The following TULP1 variants were observed in gnomAD, a reference collection of about 807,000 sequenced individuals.
The protein encoded by TULP1 is tubby-related protein 1.
In TULP1, 50 loss-of-function variants were observed where a neutral mutation model predicts 67.1. The observed-to-expected ratio is 0.75, with a 90% CI of 0.59 to 0.94. The LOEUF (loss-of-function observed/expected upper bound fraction) is 0.94. Ranked by LOEUF, TULP1 falls within the 40% of genes least tolerant of loss-of-function variation. The probability of loss-of-function intolerance (pLI) is 0.00; values close to 1 mark genes in which losing one functional copy is unlikely to be tolerated. For synonymous variants in TULP1, 297 were observed against 294.0 expected (o/e 1.01, Z -0.11); for missense variants, 746 against 734.1 (o/e 1.02, Z -0.19).
At chr6:35,508,604 G>A (rs61519220) in intron 8 of TULP1, among the ~76,000 whole-genome samples, 3,812 of 152,288 alleles carry the variant, frequency 0.025, 131 homozygotes, top group African/African-American at 0.081. Flanking sequence ...GCTTTTGTGT[G>A]TTGGTGTCTG....
chr6:35,505,416 A>T, intron 11 of TULP1: 1 of 450,798 alleles, frequency 2.2e-6, no homozygotes, highest in Non-Finnish European at 4.2e-6. Flanking sequence ...CAGTGCTAGG[A>T]ATTCAGCCCT....
intron 2 of TULP1, 75 bp downstream of exon 2, chr6:35,512,563 CT>C: frequency 6.2e-7 from 1 of 1,600,980 alleles, no homozygotes; most frequent in East Asian, 2.2e-5. Flanking sequence ...TGTCCCACCC[CT>C]AGACCCCCTA....
Position 35,505,755 on chromosome 6 carries a change from G to A in TULP1, c.1098C>T (p.Phe366=), listed in dbSNP as rs1761067248. The A allele has an allele frequency of 6.2e-7, 1 of 1,614,056 alleles. No individual in the cohort carries two copies. Among genetic ancestry groups the A allele is most frequent in the Admixed American group, 1.7e-5 (1 of 60,000 alleles). ...CCCAGCCCCACCTCAGCTTCCCGAT[G>A]AAATTCTCCCCTCCTCGGGACAGAT... The part of the protein sequence containing the change: ...PTNLSRGGEN[F]IGKLRSNLLG... Residue 366 remains phenylalanine (F), a synonymous_variant, in exon 11 of 15, where the codon TTC becomes TTT. Transcript: ENST00000229771.
chr6:35,505,956 T>A (rs971071872), intron 10 of TULP1, 47 bp downstream of exon 10: 6 of 1,614,096 alleles, frequency 3.7e-6, no homozygotes, highest in Admixed American at 1.7e-5. Flanking sequence ...GTGGCCCCCA[T>A]GCCGGATCCC....
At chr6:35,508,742 T>C (rs184142771) in intron 8 of TULP1, among the ~76,000 whole-genome samples, 5 of 152,284 alleles carry the variant, frequency 3.3e-5, no homozygotes, top group East Asian at 3.9e-4. Context: ...CTTTCGTTGC[T>C]GGAGTGTTTA....
At chr6:35,511,172 G>A (rs1561818003) in intron 4 of TULP1, 162 bp from the exon 5 acceptor site, 6 of 1,473,566 alleles carry the variant, frequency 4.1e-6, no homozygotes, top group Non-Finnish European at 4.5e-6. Context: ...AGAAGAATGA[G>A]GGTGACTGGC....
chr6:35,509,520 T>A, intron 7 of TULP1, 114 bp downstream of exon 7: 1 of 1,204,854 alleles, frequency 8.3e-7, no homozygotes, highest in Non-Finnish European at 1.2e-6. Context: ...TGTCTGACTC[T>A]AGACCTGGCA....
At position 35,509,849 on chromosome 6, in the gene TULP1, C is replaced by T. The variant is rs377091740; in HGVS notation, c.579G>A (p.Lys193=). 6.8e-6 allele frequency: 11 copies of T among 1,614,004 alleles called. No individual in the cohort carries two copies. The African/African-American group carries it at 9.3e-5, about 14-fold the overall frequency. Residue 193 remains lysine, a synonymous_variant, in exon 6 of 15, where the codon AAG becomes AAA. Coordinates refer to ENST00000229771, the MANE Select transcript of TULP1 (RefSeq NM_003322.6). The part of the protein sequence containing the change: ...NKEAPAGEGT[K]MRKTKKKGSG... ...CACCTTTCTTCTTGGTCTTTCTCAT[C>T]TTGGTCCCCTCCCCTGCTGGAGCTT... is the stretch of plus-strand genomic sequence containing the variant.
rs1254252853 is a variant in TULP1 at position 35,503,218 on chromosome 6, G to A, written c.1323+341C>T. On this transcript the variant is annotated intron_variant, in intron 13 of 14. Coordinates refer to ENST00000229771, the MANE Select transcript of TULP1 (RefSeq NM_003322.6). The surrounding 1 kb of genome is among the most constrained non-coding windows in gnomAD (Gnocchi z 4.0). The stretch of plus-strand genomic sequence containing the variant: ...CTCCCAAAGTGCTGGGATTACAGGC[G>A]TGAGCCACCGCGCCCGGCCCAGGGG... Among the ~76,000 whole-genome samples, 2 of 152,308 alleles carry A rather than the reference G, an allele frequency of 1.3e-5. No individual in the cohort carries two copies. The highest frequency in any genetic ancestry group is 2.1e-4 in the South Asian group (1 of 4,830).
In TULP1 at chr6:35,512,211, GC is replaced by G; in HGVS notation, c.158del (p.Cys53SerfsTer56). ...GCTTCCGGGGCTTGGATCCCGTGGG[GC>G]AGGGGGATTCGGGGGCCTCCGTCCT... is the stretch of plus-strand genomic sequence containing the variant. ...KKRTEAPESP[C>X]PTGSKPRKPG... On this transcript the variant is annotated frameshift_variant, in exon 3 of 15. Transcript: ENST00000229771. LOFTEE classifies it high-confidence loss of function. 1 of 1,364,888 alleles carries G rather than the reference GC, an allele frequency of 7.3e-7. No homozygotes were observed. Among genetic ancestry groups the G allele is most frequent in the Non-Finnish European group, 9.4e-7 (1 of 1,058,258 alleles). The allele number at this position is 1,364,888 out of a possible 1,614,324, so 84.5% of individuals were successfully genotyped here. A position where few individuals can be genotyped will look rare whatever the true frequency, so the allele number is the denominator to read the frequency against.
Position 35,505,839 on chromosome 6 carries a change from A to T in TULP1, c.1014T>A (p.Ala338=). 1 of 1,614,206 alleles carries T rather than the reference A, an allele frequency of 6.2e-7. No homozygotes were observed. The highest frequency in any genetic ancestry group is 8.5e-7 in the Non-Finnish European group (1 of 1,180,036). The change falls in exon 11 of 15, where the codon GCT becomes GCA. Residue 338 remains alanine (A), a synonymous_variant. Coordinates refer to ENST00000229771, the MANE Select transcript of TULP1 (RefSeq NM_003322.6). ...TCTTGCTCCGTTTTCGTTTCCTGCC[A>T]GCCAAGAGGAACACCTGGGGAAAAG... is the stretch of plus-strand genomic sequence containing the variant. The part of the protein sequence containing the change: ...LDTEKKVFLL[A]GRKRKRSKTA...
intron 8 of TULP1, among the ~76,000 whole-genome samples, chr6:35,507,062 TC>T (rs913928545): frequency 4.6e-5 from 7 of 151,984 alleles, no homozygotes; most frequent in African/African-American, 1.7e-4. Flanking sequence ...CCAGGGTTGG[TC>T]CCTGTGACCA....
chr6:35,499,925 G>T, intron 14 of TULP1, 56 bp downstream of exon 14: 1 of 1,602,776 alleles, frequency 6.2e-7, no homozygotes. Flanking sequence ...CTTGAATGAA[G>T]GTCAGCATCC....
intron 4 of TULP1, among the ~76,000 whole-genome samples, chr6:35,511,276 C>T (rs1761195509): frequency 6.6e-6 from 1 of 152,192 alleles, no homozygotes; most frequent in African/African-American, 2.4e-5. Context: ...AGACCCTCCT[C>T]TCCTTACACG....
chr6:35,509,802 C>T, intron 6 of TULP1, 25 bp downstream of exon 6: 1 of 1,614,100 alleles, frequency 6.2e-7, no homozygotes, highest in South Asian at 1.1e-5. Context: ...CTGGAGTCCC[C>T]TGTTCCTCCC....
chr6:35,512,149 G>T (rs763074409), intron 3 of TULP1, 31 bp downstream of exon 3: 8 of 1,302,292 alleles, frequency 6.1e-6, no homozygotes, highest in Non-Finnish European at 7.9e-6. Flanking sequence ...CCACACCCTG[G>T]GGGTCCACCC....
chr6:35,507,394 C>G (rs1761108139), intron 8 of TULP1, among the ~76,000 whole-genome samples: 1 of 151,856 alleles, frequency 6.6e-6, no homozygotes, highest in Non-Finnish European at 1.5e-5. Flanking sequence ...AGACCCTGAG[C>G]CAGAACTACT....
rs546453354 is a variant in TULP1, at chr6:35,500,118, T to C, written c.1358A>G (p.Lys453Arg). The part of the protein sequence containing the change: ...SDGLLVRWQN[K>R]TLESLIELHN... ...CAGTTCTATGAGGCTCTCCAGCGTC[T>C]TGTTCTGCCAGCGCACCAGCAGGCC... The change falls in exon 14 of 15, where the codon AAG becomes AGG. Residue 453 changes from lysine to arginine, a missense_variant. By Grantham distance (26) the Lys-to-Arg change is conservative. Around this residue, in one of 3 missense-constraint regions of TULP1, gnomAD observed 383 missense variants for 374.1 expected, o/e 1.02. Coordinates refer to ENST00000229771, the MANE Select transcript of TULP1 (RefSeq NM_003322.6). 1 of 1,614,152 alleles carries C rather than the reference T, an allele frequency of 6.2e-7. No individual in the cohort carries two copies. The highest frequency in any genetic ancestry group is 1.1e-5 in the South Asian group (1 of 91,088).
intron 13 of TULP1, among the ~76,000 whole-genome samples, chr6:35,502,342 T>C (rs1760983156): frequency 6.6e-6 from 1 of 151,714 alleles, no homozygotes; most frequent in South Asian, 2.1e-4. Context: ...TACAGGCGCC[T>C]GTCACCATGC....
Sources: allele counts gnomAD v4.1 joint callset (sites outside exome capture counted in the v4.1 genomes callset), GRCh38; gene constraint gnomAD v4.1.1; regional missense constraint gnomAD v4.1.1; non-coding constraint Gnocchi (gnomAD v3.1); transcripts MANE v1.5; gene names NCBI Gene and HGNC (gene_info 2026-07-23, HGNC 2026-07-21).